The following EPHA3 variants were observed in gnomAD, a reference collection of about 807,000 sequenced individuals.
EPHA3 encodes the protein ephrin type-A receptor 3.
EPHA3 carries 42 observed loss-of-function variants against 107.1 expected under a neutral mutation model. The ratio of observed to expected loss-of-function variants is 0.39; its 90% CI spans 0.31 to 0.51. EPHA3 has a LOEUF of 0.51. Among genes scored for constraint, EPHA3 ranks in the 20% least tolerant of loss-of-function variants. The pLI is 0.78. For missense variants in EPHA3, 1,183 were observed against 1,211.2 expected, an observed-to-expected ratio of 0.98 and a Z score of 0.35; for synonymous variants, 461 against 424.8, an observed-to-expected ratio of 1.09 and a Z score of -1.05.
chr3:89,385,793 A>G (rs1485633662), intron 5 of EPHA3, among the ~76,000 whole-genome samples: 1 of 152,218 alleles, frequency 6.6e-6, no homozygotes, highest in African/African-American at 2.4e-5. Context: ...AGAATTTCCA[A>G]GAGACTTGGG....
At chr3:89,293,798 C>G (rs1488712018) in intron 3 of EPHA3, among the ~76,000 whole-genome samples, 1 of 152,140 alleles carries the variant, frequency 6.6e-6, no homozygotes, top group African/African-American at 2.4e-5. Context: ...AGTTAAACCT[C>G]TTTTCTTTAT....
chr3:89,390,879 C>A (rs1389551092), intron 5 of EPHA3, among the ~76,000 whole-genome samples: 1 of 151,296 alleles, frequency 6.6e-6, no homozygotes, highest in African/African-American at 2.4e-5. Flanking sequence ...CCTCCGCCTC[C>A]CGGGTTCATC....
At chr3:89,204,818 G>C (rs1706062014) in intron 2 of EPHA3, among the ~76,000 whole-genome samples, 1 of 152,146 alleles carries the variant, frequency 6.6e-6, no homozygotes, top group Non-Finnish European at 1.5e-5. Context: ...ACGAAGACTG[G>C]ATTTTGAAAT....
chr3:89,314,920 A>G (rs1706857957), intron 3 of EPHA3, among the ~76,000 whole-genome samples: 2 of 151,904 alleles, frequency 1.3e-5, no homozygotes, highest in African/African-American at 4.8e-5. Flanking sequence ...ACACAAACCT[A>G]GATAGTATAG....
At chr3:89,342,536 T>C (rs1707552658) in intron 5 of EPHA3, among the ~76,000 whole-genome samples, 2 of 152,206 alleles carry the variant, frequency 1.3e-5, no homozygotes, top group African/African-American at 2.4e-5. Context: ...TAACTGATAG[T>C]TATAAATCTC....
intron 5 of EPHA3, among the ~76,000 whole-genome samples, chr3:89,394,067 TG>T (rs1280919831): frequency 6.6e-6 from 1 of 151,952 alleles, no homozygotes; most frequent in Non-Finnish European, 1.5e-5. Flanking sequence ...GGTAAGAAAA[TG>T]AATTTACTTT....
chr3:89,472,726 G>A, intron 16 of EPHA3, 107 bp downstream of exon 16: 1 of 1,298,718 alleles, frequency 7.7e-7, no homozygotes, highest in Non-Finnish European at 1.0e-6. Flanking sequence ...AAATATTAGT[G>A]GTAGATCTGA....
chr3:89,243,305 T>G (rs1002676972), intron 3 of EPHA3, among the ~76,000 whole-genome samples: 4 of 152,176 alleles, frequency 2.6e-5, no homozygotes, highest in African/African-American at 9.7e-5. Context: ...GTATTTCTAG[T>G]TCTAGATCCC....
In EPHA3 at chr3:89,480,619, T is replaced by TAA. The variant is rs566480002; in HGVS notation, c.*1127_*1128dup. The TAA allele has an allele frequency of 4.4e-3, 940 of 211,482 alleles. 1 individual carries two copies. The highest frequency in any genetic ancestry group is 8.0e-3 in the African/African-American group (346 of 43,004). The allele number at this position is 211,482 out of a possible 1,614,324, so 13.1% of individuals were successfully genotyped here. On this transcript the variant is annotated 3_prime_UTR_variant, in exon 17 of 17. Transcript: ENST00000336596. ...CACAGCCTATAGGCCAATGCATGAG[T>TAA]AAAAAAAAAAACAATTACTGGCTCA...
At chr3:89,251,674 C>A (rs1451897623) in intron 3 of EPHA3, among the ~76,000 whole-genome samples, 1 of 151,986 alleles carries the variant, frequency 6.6e-6, no homozygotes, top group Non-Finnish European at 1.5e-5. Context: ...TAATCAAGTG[C>A]AATTCACAAT....
At chr3:89,149,518 G>A (rs969380748) in intron 2 of EPHA3, among the ~76,000 whole-genome samples, 3 of 151,740 alleles carry the variant, frequency 2.0e-5, no homozygotes, top group African/African-American at 7.3e-5. Flanking sequence ...AAGTTTTAGG[G>A]TACATGTGCA....
At chr3:89,244,746 C>T (rs1344499931) in intron 3 of EPHA3, among the ~76,000 whole-genome samples, 2 of 152,152 alleles carry the variant, frequency 1.3e-5, no homozygotes, top group Admixed American at 6.6e-5. Flanking sequence ...TTATCAGTGG[C>T]TATAATGTGA....
At chr3:89,130,173 C>T (rs1704175260) in intron 2 of EPHA3, among the ~76,000 whole-genome samples, 1 of 152,058 alleles carries the variant, frequency 6.6e-6, no homozygotes, top group South Asian at 2.1e-4. Context: ...ACAAGAGGTA[C>T]TGCTAAATAT....
At chr3:89,178,167 T>G (rs1705359215) in intron 2 of EPHA3, among the ~76,000 whole-genome samples, 1 of 152,142 alleles carries the variant, frequency 6.6e-6, no homozygotes, top group African/African-American at 2.4e-5. Context: ...GCAGTTCCCC[T>G]GGCATGATGA....
intron 15 of EPHA3, among the ~76,000 whole-genome samples, chr3:89,454,725 C>T (rs903128168): frequency 1.3e-5 from 2 of 152,132 alleles, no homozygotes; most frequent in African/African-American, 4.8e-5. Flanking sequence ...GGTGGAGTGA[C>T]TCAAAACTGC....
chr3:89,250,191 A>G (rs1705128472), intron 3 of EPHA3, among the ~76,000 whole-genome samples: 1 of 152,216 alleles, frequency 6.6e-6, no homozygotes, highest in Non-Finnish European at 1.5e-5. Flanking sequence ...TACAAAAATC[A>G]AAGTCAACAT....
chr3:89,151,492 G>A (rs1704689085), intron 2 of EPHA3, among the ~76,000 whole-genome samples: 1 of 152,056 alleles, frequency 6.6e-6, no homozygotes, highest in Admixed American at 6.6e-5. Flanking sequence ...GTCACTTGGG[G>A]ACATTAGAAT....
At chr3:89,163,046 C>G (rs767521228) in intron 2 of EPHA3, among the ~76,000 whole-genome samples, 2 of 152,024 alleles carry the variant, frequency 1.3e-5, no homozygotes, top group Non-Finnish European at 2.9e-5. Flanking sequence ...TTATATTTAC[C>G]AGGATATTTC....
intron 13 of EPHA3, among the ~76,000 whole-genome samples, chr3:89,439,387 G>A (rs887700946): frequency 1.3e-5 from 2 of 152,106 alleles, no homozygotes; most frequent in Non-Finnish European, 2.9e-5. Context: ...GAGCCCAGGA[G>A]GTCAGGGCTG....
Sources: gnomAD v4.1 joint callset for allele counts (sites outside exome capture counted in the v4.1 genomes callset) on GRCh38, gnomAD v4.1.1 for gene constraint, MANE v1.5 for transcripts, NCBI Gene and HGNC (gene_info 2026-07-23, HGNC 2026-07-21) for gene names.